The following DZIP1 variants were observed in gnomAD, a reference collection of about 807,000 sequenced individuals.
DZIP1 encodes the protein cilium assembly protein DZIP1.
DZIP1 carries 97 observed loss-of-function variants against 107.6 expected under a neutral mutation model. The observed-to-expected ratio is 0.90, with a 90% confidence interval of 0.77 to 1.07. The LOEUF (loss-of-function observed/expected upper bound fraction) is 1.07, where lower values mean the gene tolerates loss of function less well. Ranked by LOEUF, DZIP1 falls within the 50% of genes least tolerant of loss-of-function variation. The probability of loss-of-function intolerance (pLI) is 0.00; values close to 1 mark genes in which losing one functional copy is unlikely to be tolerated. For synonymous variants in DZIP1, 390 were observed against 386.4 expected (o/e 1.01, Z -0.11); for missense variants, 1,035 against 1,063.6 (o/e 0.97, Z 0.37).
chr13:95,584,314 G>A (rs2044092716), intron 22 of DZIP1, among the ~76,000 whole-genome samples: 1 of 151,384 alleles, frequency 6.6e-6, no homozygotes, highest in Non-Finnish European at 1.5e-5. Context: ...ACAATTTGGG[G>A]GCCACGAGCG....
At chr13:95,609,006 G>A (rs995646063) in intron 13 of DZIP1, among the ~76,000 whole-genome samples, 1 of 152,194 alleles carries the variant, frequency 6.6e-6, no homozygotes, top group African/African-American at 2.4e-5. Flanking sequence ...TTTTACTGCA[G>A]AATCTTGACA....
Position 95,587,704 on chromosome 13 carries a change from C to G in DZIP1, c.2053G>C (p.Glu685Gln). ...CGGATGAGGTCGTCGTCCTCCTGCT[C>G]CTCCTCTGAACTAAAAGGAGGGGTC... ...ITTPPFSSEE[E>Q]QEDDDLIRAY... The change falls in exon 20 of 23, where the codon GAG becomes CAG. Residue 685 changes from glutamate (E) to glutamine (Q), a missense_variant. Glu to Gln is a conservative substitution (Grantham distance 29). Coordinates refer to ENST00000376829, the MANE Select transcript of DZIP1 (RefSeq NM_198968.4). The G allele has an allele frequency of 6.2e-7, 1 of 1,614,058 alleles. No individual in the cohort carries two copies. Among genetic ancestry groups the G allele is most frequent in the Non-Finnish European group, 8.5e-7 (1 of 1,180,008 alleles).
chr13:95,625,384 C>A (rs74522452), intron 7 of DZIP1, among the ~76,000 whole-genome samples: 2,045 of 152,204 alleles, frequency 0.013, 47 homozygotes, highest in African/African-American at 0.046. Context: ...TCTCAATGAC[C>A]TTCAGGGTTT....
At chr13:95,591,534 AC>A (rs2044313235) in intron 16 of DZIP1, among the ~76,000 whole-genome samples, 1 of 151,622 alleles carries the variant, frequency 6.6e-6, no homozygotes, top group East Asian at 2.0e-4. Flanking sequence ...TGGCCATACC[AC>A]CCACCCAGTT....
chr13:95,620,355 C>T (rs1319139960), intron 9 of DZIP1, among the ~76,000 whole-genome samples: 3 of 152,170 alleles, frequency 2.0e-5, no homozygotes, highest in African/African-American at 7.2e-5. Context: ...AACTGTGAGT[C>T]AATTAAACCT....
chr13:95,589,589 C>T (rs1197971003), intron 18 of DZIP1, among the ~76,000 whole-genome samples: 1 of 152,210 alleles, frequency 6.6e-6, no homozygotes, highest in Admixed American at 6.5e-5. Flanking sequence ...GAGGTATCTC[C>T]ACCATCTGGA....
intron 7 of DZIP1, among the ~76,000 whole-genome samples, chr13:95,628,721 C>T (rs1876845031): frequency 6.6e-6 from 1 of 152,180 alleles, no homozygotes; most frequent in Non-Finnish European, 1.5e-5. Flanking sequence ...GAAATTCTGG[C>T]ACACACTACA....
chr13:95,611,706 C>T (rs1566393276), intron 11 of DZIP1, among the ~76,000 whole-genome samples: 1 of 152,190 alleles, frequency 6.6e-6, no homozygotes, highest in Admixed American at 6.5e-5. Context: ...TGTCCATGTA[C>T]ACCTTGAATC....
At chr13:95,612,867 G>A (rs2045059498) in intron 10 of DZIP1, among the ~76,000 whole-genome samples, 1 of 152,096 alleles carries the variant, frequency 6.6e-6, no homozygotes. Flanking sequence ...TTACAGGTAT[G>A]AGCCACCGTG....
rs755095914 is a variant in DZIP1, at chr13:95,587,502, TAC to T, written c.2218+35_2218+36del. On this transcript the variant is annotated intron_variant, in intron 20 of 22. Transcript: ENST00000376829. ...CACGGGTGAGGACAACTGTCCTAAATACAGTTTCCAGAGAGTTTTCCAAGGTA... is the reference window on the plus strand; with the variant it reads ...CACGGGTGAGGACAACTGTCCTAAATAGTTTCCAGAGAGTTTTCCAAGGTA... The T allele has an allele frequency of 5.0e-6, 8 of 1,603,744 alleles. No individual in the cohort carries two copies. In the East Asian group the frequency reaches 1.6e-4, roughly 31 times the overall value.
chr13:95,581,892 T>C lies in DZIP1; in HGVS notation c.*342A>G, dbSNP rs2044018497. The C allele has an allele frequency of 5.5e-6, 1 of 181,732 alleles. No homozygotes were observed. The highest frequency in any genetic ancestry group is 1.8e-4 in the South Asian group (1 of 5,406). 11.3% of individuals were successfully genotyped at this position (181,732 alleles called of 1,614,324 possible). A position where few individuals can be genotyped will look rare whatever the true frequency, so the allele number is the denominator to read the frequency against. ...TTTAGTAATTCAAACCAAAACATGC[T>C]GTAAGTTTAAAAAAAATTCACTAAA... On this transcript the variant is annotated 3_prime_UTR_variant, in exon 23 of 23. Transcript: ENST00000376829.
chr13:95,585,302 G>A (rs914467574), intron 21 of DZIP1, among the ~76,000 whole-genome samples: 11 of 152,156 alleles, frequency 7.2e-5, no homozygotes, highest in African/African-American at 1.2e-4. Flanking sequence ...CAGACCAACC[G>A]AATAGCCCCC....
At chr13:95,614,561 G>C (rs1308442374) in intron 10 of DZIP1, among the ~76,000 whole-genome samples, 2 of 152,110 alleles carry the variant, frequency 1.3e-5, no homozygotes, top group African/African-American at 4.8e-5. Context: ...GAATCAGAAA[G>C]GCACGGAAAA....
chr13:95,597,632 T>A (rs1402217448), intron 15 of DZIP1, among the ~76,000 whole-genome samples: 1 of 152,214 alleles, frequency 6.6e-6, no homozygotes, highest in East Asian at 1.9e-4. Flanking sequence ...TGAGGGGGAT[T>A]ATGGCAAACC....
At position 95,641,590 on chromosome 13, in the gene DZIP1, A is replaced by G. The variant is rs1232948374; in HGVS notation, c.302T>C (p.Leu101Pro). The G allele has an allele frequency of 1.2e-6, 2 of 1,613,358 alleles. No homozygotes were observed. The highest frequency in any genetic ancestry group is 1.7e-6 in the Non-Finnish European group (2 of 1,180,030). Residue 101 changes from leucine to proline, a missense_variant, in exon 5 of 23, where the codon CTG becomes CCG. Physicochemically the swap from Leu to Pro is moderately conservative, Grantham distance 98 (BLOSUM62 -3). Transcript: ENST00000376829. This position sits in a 1 kb window ranked among gnomAD's most constrained non-coding sequence, Gnocchi z 4.3. ...GCAGTGTGGGCACTTCTCGTCTTCC[A>G]GCTTGCAGAAGGTGATGTTCATGAT... ...ENIMNITFCK[L>P]EDEKCPHCQS... is the part of the protein sequence containing the mutation.
At position 95,591,556 on chromosome 13, in the gene DZIP1, G is replaced by A. The variant is rs116515428; in HGVS notation, c.1681-1115C>T. On this transcript the variant is annotated intron_variant, in intron 16 of 22. Transcript: ENST00000376829. ...ACCACCCACCCAGTTGCCCAGGACAGAAATCTCCATCATCAAATTAAGTAC... is the reference window on the plus strand; with the variant it reads ...ACCACCCACCCAGTTGCCCAGGACAAAAATCTCCATCATCAAATTAAGTAC... Among the ~76,000 whole-genome samples the A allele has an allele frequency of 4.3e-3, 652 of 152,234 alleles. 4 individuals are homozygous for A. Among genetic ancestry groups the A allele is most frequent in the African/African-American group, 0.015 (612 of 41,548 alleles).
rs2044028874 is a variant in DZIP1 at position 95,582,309 on chromosome 13, A to G, written c.2529T>C (p.Leu843=). ...FNPKGPKGEG[L]QENESSTLKS... Reference sequence around the variant, plus strand: ...TTAATGTGCTTGATTCATTTTCTTGAAGTCCTGTAAGTGGTGGGTAGAGGC... The same window carrying G: ...TTAATGTGCTTGATTCATTTTCTTGGAGTCCTGTAAGTGGTGGGTAGAGGC... The change falls in exon 23 of 23, where the codon CTT becomes CTC. Residue 843 remains leucine, a synonymous_variant. Transcript: ENST00000376829. 6.2e-7 allele frequency: 1 copy of G among 1,613,956 alleles called. No homozygotes were observed.
In DZIP1 at chr13:95,612,085, C is replaced by A. The variant is rs779847607; in HGVS notation, c.1266G>T (p.Gly422=). 6.2e-7 allele frequency: 1 copy of A among 1,613,816 alleles called. No homozygotes were observed. Among genetic ancestry groups the A allele is most frequent in the South Asian group, 1.1e-5 (1 of 91,084 alleles). ...VFYKKRIEEL[G]QRLQEQNELI... ...GCTCATTCTGCTCCTGGAGTCTCTGCCCTAGCTCTTCTATCCTTTTCTTAT... is the reference window on the plus strand; with the variant it reads ...GCTCATTCTGCTCCTGGAGTCTCTGACCTAGCTCTTCTATCCTTTTCTTAT... Residue 422 remains glycine, a synonymous_variant, in exon 11 of 23, where the codon GGG becomes GGT. Transcript: ENST00000376829.
intron 7 of DZIP1, among the ~76,000 whole-genome samples, chr13:95,629,643 CT>C (rs555648058): frequency 2.6e-4 from 40 of 152,266 alleles, no homozygotes; most frequent in African/African-American, 8.9e-4. Context: ...AAGAAATATT[CT>C]GTTCTATAGC....
Sources: allele counts gnomAD v4.1 joint callset (sites outside exome capture counted in the v4.1 genomes callset), GRCh38; gene constraint gnomAD v4.1.1; non-coding constraint Gnocchi (gnomAD v3.1); transcripts MANE v1.5; gene names NCBI Gene and HGNC (gene_info 2026-07-23, HGNC 2026-07-21).